Variants in SLC35F1 observed in about 807,000 individuals in gnomAD.
The protein encoded by SLC35F1 is solute carrier family 35 member F1, also known as chromosome 6 open reading frame 169.
Under a neutral mutation model 48.7 loss-of-function variants are expected in SLC35F1, and 14 were observed. The observed-to-expected ratio is 0.29, with a 90% CI of 0.19 to 0.45. The LOEUF is 0.45. Ranked by LOEUF, SLC35F1 falls within the 20% of genes least tolerant of loss-of-function variation. SLC35F1 has a pLI of 1.00. For synonymous variants in SLC35F1, 190 were observed against 202.2 expected, an observed-to-expected ratio of 0.94 and a Z score of 0.51; for missense variants, 404 against 500.0, an observed-to-expected ratio of 0.81 and a Z score of 1.83.
intron 1 of SLC35F1, among the ~76,000 whole-genome samples, chr6:118,147,103 G>T (rs569699931): frequency 2.0e-5 from 3 of 152,244 alleles, no homozygotes; most frequent in Non-Finnish European, 2.9e-5. Context: ...GGGGTGCAGG[G>T]TACACACTGA....
chr6:118,256,846 G>A (rs551227677), intron 3 of SLC35F1, among the ~76,000 whole-genome samples: 7 of 152,230 alleles, frequency 4.6e-5, no homozygotes, highest in South Asian at 2.1e-4. Flanking sequence ...GTATATGCTC[G>A]AGAGAGGAAA....
At chr6:118,166,138 G>A (rs918872023) in intron 2 of SLC35F1, among the ~76,000 whole-genome samples, 3 of 151,288 alleles carry the variant, frequency 2.0e-5, no homozygotes, top group African/African-American at 7.3e-5. Flanking sequence ...GGTGGGGAGA[G>A]GAAAAAAATT....
chr6:118,038,228 G>A (rs1240745905), intron 1 of SLC35F1, among the ~76,000 whole-genome samples: 6 of 152,058 alleles, frequency 3.9e-5, no homozygotes, highest in Non-Finnish European at 5.9e-5. Flanking sequence ...AATAGTTTAA[G>A]TGGAAAAACC....
chr6:118,252,715 A>G (rs1775591743), intron 3 of SLC35F1, among the ~76,000 whole-genome samples: 1 of 152,188 alleles, frequency 6.6e-6, no homozygotes. Flanking sequence ...AAAAGAGAAG[A>G]AAATGAAACT....
intron 1 of SLC35F1, among the ~76,000 whole-genome samples, chr6:117,913,119 T>C (rs902130282): frequency 9.9e-5 from 15 of 152,236 alleles, no homozygotes; most frequent in African/African-American, 3.6e-4. Flanking sequence ...CACCAGATTT[T>C]AGTTTAGCTT....
chr6:117,940,193 A>T (rs1416422), intron 1 of SLC35F1, among the ~76,000 whole-genome samples: 1 of 152,068 alleles, frequency 6.6e-6, no homozygotes, highest in Non-Finnish European at 1.5e-5. Flanking sequence ...CTTTTGATTC[A>T]TTATATATCT....
At chr6:118,080,182 G>T (rs915411740) in intron 1 of SLC35F1, among the ~76,000 whole-genome samples, 1 of 152,160 alleles carries the variant, frequency 6.6e-6, no homozygotes, top group African/African-American at 2.4e-5. Flanking sequence ...GGGAACTGCA[G>T]GGAAGAAAAA....
intron 1 of SLC35F1, among the ~76,000 whole-genome samples, chr6:118,014,762 G>A (rs1164030781): frequency 6.6e-6 from 1 of 152,184 alleles, no homozygotes; most frequent in Non-Finnish European, 1.5e-5. Flanking sequence ...AAATGTCATA[G>A]AGCAAGTGTT....
chr6:117,950,242 C>T (rs9489288), intron 1 of SLC35F1, among the ~76,000 whole-genome samples: 23,433 of 152,188 alleles, frequency 0.15, 2,875 homozygotes, highest in African/African-American at 0.34. Flanking sequence ...GGGGCCCATA[C>T]ATCTAGCAAG....
At position 118,296,369 on chromosome 6, in the gene SLC35F1, T is replaced by C. The variant is rs115561975; in HGVS notation, c.1002+11031T>C. Among the ~76,000 whole-genome samples, 1,188 of 152,166 alleles carry C rather than the reference T, an allele frequency of 7.8e-3. 11 individuals are homozygous for C. Among genetic ancestry groups the C allele is most frequent in the African/African-American group, 0.027 (1,129 of 41,494 alleles). Reference sequence around the variant, plus strand: ...GAGACTTTCATGGCTGTGTTTAGAGTGGTGTGTCTACAGCCCCTCCCATTC... The same window carrying C: ...GAGACTTTCATGGCTGTGTTTAGAGCGGTGTGTCTACAGCCCCTCCCATTC... On this transcript the variant is annotated intron_variant, in intron 7 of 7. Transcript: ENST00000360388.
intron 2 of SLC35F1, among the ~76,000 whole-genome samples, chr6:118,185,892 T>C (rs1404197886): frequency 6.6e-6 from 1 of 152,188 alleles, no homozygotes; most frequent in Non-Finnish European, 1.5e-5. Flanking sequence ...GATGTGTATG[T>C]CTACAATGAA....
chr6:118,021,316 T>G (rs1777390934), intron 1 of SLC35F1, among the ~76,000 whole-genome samples: 1 of 152,178 alleles, frequency 6.6e-6, no homozygotes, highest in African/African-American at 2.4e-5. Context: ...GGGAAAACCA[T>G]TTTGACAATT....
At chr6:118,049,915 C>T (rs1181086422) in intron 1 of SLC35F1, among the ~76,000 whole-genome samples, 6 of 152,032 alleles carry the variant, frequency 3.9e-5, no homozygotes, top group African/African-American at 1.5e-4. Flanking sequence ...CACATGCACA[C>T]GTATGTTTAT....
intron 7 of SLC35F1, among the ~76,000 whole-genome samples, chr6:118,302,203 G>A (rs1184542371): frequency 6.6e-6 from 1 of 152,094 alleles, no homozygotes; most frequent in Non-Finnish European, 1.5e-5. Context: ...TACGAGGAAT[G>A]AGTGGGTACC....
At chr6:117,962,439 CCTTG>C (rs1181903896) in intron 1 of SLC35F1, among the ~76,000 whole-genome samples, 1 of 152,194 alleles carries the variant, frequency 6.6e-6, no homozygotes, top group African/African-American at 2.4e-5. Context: ...ATGACTCCCT[CCTTG>C]CTTTTTAAAA....
intron 1 of SLC35F1, among the ~76,000 whole-genome samples, chr6:118,084,408 T>A (rs1772955000): frequency 6.6e-6 from 1 of 152,170 alleles, no homozygotes; most frequent in South Asian, 2.1e-4. Flanking sequence ...ACATGCACAC[T>A]CAGACATTTC....
At chr6:118,281,133 A>T (rs940157673) in intron 6 of SLC35F1, among the ~76,000 whole-genome samples, 1 of 151,110 alleles carries the variant, frequency 6.6e-6, no homozygotes, top group South Asian at 2.1e-4. Flanking sequence ...GAAATCAAAT[A>T]TATGTAGCAT....
rs897608122 is a variant in SLC35F1, at chr6:117,907,444, G to A, written c.-283G>A. 3.1e-5 allele frequency: 7 copies of A among 226,736 alleles called. No individual in the cohort carries two copies. The East Asian group carries it at 3.9e-4, about 13-fold the overall frequency. 14.0% of individuals were successfully genotyped at this position (226,736 alleles called of 1,614,324 possible). On this transcript the variant is annotated 5_prime_UTR_variant, in exon 1 of 8. Transcript: ENST00000360388. Reference sequence around the variant, plus strand: ...ACCCTTCGCAGCCACTTCGCGGGGCGGGCCAGGACTTGGGGACGCGGCTCG... The same window carrying A: ...ACCCTTCGCAGCCACTTCGCGGGGCAGGCCAGGACTTGGGGACGCGGCTCG...
chr6:118,126,696 C>A (rs1464562767), intron 1 of SLC35F1, among the ~76,000 whole-genome samples: 1 of 151,596 alleles, frequency 6.6e-6, no homozygotes, highest in African/African-American at 2.4e-5. Flanking sequence ...AGGTCCTTCA[C>A]GTCCCTTGTA....
Sources: allele counts gnomAD v4.1 joint callset (sites outside exome capture counted in the v4.1 genomes callset), GRCh38; gene constraint gnomAD v4.1.1; transcripts MANE v1.5; gene names NCBI Gene and HGNC (gene_info 2026-07-23, HGNC 2026-07-21).